Variants in CSRP3 observed in about 807,000 individuals in gnomAD.
The protein encoded by CSRP3 is cysteine and glycine rich protein 3.
A neutral mutation model predicts 24.3 loss-of-function variants in CSRP3; 24 were observed. The observed-to-expected ratio is 0.99, with a 90% confidence interval of 0.71 to 1.39. The LOEUF (loss-of-function observed/expected upper bound fraction) is 1.39. Ranked by LOEUF, CSRP3 falls within the 40% of genes most tolerant of loss-of-function variation. The pLI, the probability that CSRP3 is intolerant of heterozygous loss-of-function variation, is 0.00. For synonymous variants in CSRP3, 105 were observed against 94.0 expected (o/e 1.12, Z -0.68); for missense variants, 240 against 249.0 (o/e 0.96, Z 0.24).
intron 2 of CSRP3, among the ~76,000 whole-genome samples, chr11:19,190,326 C>T (rs545100386): frequency 6.6e-6 from 1 of 152,356 alleles, no homozygotes; most frequent in Non-Finnish European, 1.5e-5. Flanking sequence ...CTGTCCAGTG[C>T]TGTGGCCACA....
intron 2 of CSRP3, among the ~76,000 whole-genome samples, chr11:19,191,417 C>T (rs532934845): frequency 2.6e-5 from 4 of 152,056 alleles, no homozygotes; most frequent in African/African-American, 4.8e-5. Flanking sequence ...GGAGGGGGCT[C>T]GCCAAATATC....
rs755957147 is a variant in CSRP3 at position 19,186,471 on chromosome 11, G to A, written c.282-123C>T. The stretch of plus-strand genomic sequence containing the variant: ...TCAGACTCCTCATCTGGAAAATGGG[G>A]ATAATGATGGTGTCTTTCTCATAGC... On this transcript the variant is annotated intron_variant, in intron 3 of 5. Coordinates refer to ENST00000265968, the MANE Select transcript of CSRP3 (RefSeq NM_003476.5). 32 of 1,218,696 alleles carry A rather than the reference G, an allele frequency of 2.6e-5. No homozygotes were observed. In the Admixed American group the frequency reaches 3.1e-4, roughly 12 times the overall value. 75.5% of individuals were successfully genotyped at this position (1,218,696 alleles called of 1,614,324 possible). A position where few individuals can be genotyped will look rare whatever the true frequency, so the allele number is the denominator to read the frequency against.
intron 4 of CSRP3, 130 bp downstream of exon 4, chr11:19,186,086 T>C (rs1394424066): frequency 8.4e-7 from 1 of 1,194,942 alleles, no homozygotes; most frequent in Non-Finnish European, 1.2e-6. Context: ...TGAGGATGTG[T>C]GGTTTCTAAA....
rs971020459 is a variant in CSRP3, at chr11:19,182,526, C to T, written c.*144G>A. 3.9e-6 allele frequency: 3 copies of T among 766,700 alleles called. No individual in the cohort carries two copies. Among genetic ancestry groups the T allele is most frequent in the Non-Finnish European group, 7.1e-6 (3 of 423,158 alleles). The allele number at this position is 766,700 out of a possible 1,614,324, so 47.5% of individuals were successfully genotyped here. Reference sequence around the variant, plus strand: ...TCTTCCAAAGGCCTCTTCTAACATTCAGTAAAGACCTGATCACTTCTGAGG... The same window carrying T: ...TCTTCCAAAGGCCTCTTCTAACATTTAGTAAAGACCTGATCACTTCTGAGG... On this transcript the variant is annotated 3_prime_UTR_variant, in exon 6 of 6. Coordinates refer to ENST00000265968, the MANE Select transcript of CSRP3 (RefSeq NM_003476.5).
At chr11:19,196,018 C>A (rs1267887460) in intron 1 of CSRP3, among the ~76,000 whole-genome samples, 1 of 152,148 alleles carries the variant, frequency 6.6e-6, no homozygotes. Flanking sequence ...CCTGTAATCC[C>A]AGGACTGAGG....
At chr11:19,195,751 G>A (rs780808587) in intron 1 of CSRP3, among the ~76,000 whole-genome samples, 6 of 152,036 alleles carry the variant, frequency 3.9e-5, no homozygotes, top group Non-Finnish European at 8.8e-5. Context: ...AATGAGAATA[G>A]GATTACAGAT....
At chr11:19,200,499 T>C (rs1850819729) in intron 1 of CSRP3, among the ~76,000 whole-genome samples, 1 of 151,866 alleles carries the variant, frequency 6.6e-6, no homozygotes, top group Non-Finnish European at 1.5e-5. Flanking sequence ...TCTCTTTCCT[T>C]CCCCCCTTCT....
intron 4 of CSRP3, among the ~76,000 whole-genome samples, chr11:19,185,894 G>A (rs1850517022): frequency 1.3e-5 from 2 of 152,184 alleles, no homozygotes; most frequent in Admixed American, 1.3e-4. Flanking sequence ...TTGGTCTGGG[G>A]CTGACATCTT....
intron 2 of CSRP3, among the ~76,000 whole-genome samples, chr11:19,190,982 A>C (rs1421152213): frequency 2.0e-5 from 3 of 152,204 alleles, no homozygotes; most frequent in Non-Finnish European, 4.4e-5. Context: ...TCTACTAAGG[A>C]AAGCTTCCCT....
intron 2 of CSRP3, among the ~76,000 whole-genome samples, 196 bp downstream of exon 2, chr11:19,192,141 G>C (rs1850625761): frequency 6.6e-6 from 1 of 152,148 alleles, no homozygotes; most frequent in Non-Finnish European, 1.5e-5. Flanking sequence ...GTTGAAGCAA[G>C]GGTATTCAGG....
In CSRP3 at chr11:19,197,396, T is replaced by C. The variant is rs199692780; in HGVS notation, c.-29+4558A>G. Among the ~76,000 whole-genome samples the C allele has an allele frequency of 5.2e-4, 4 of 7,724 alleles. 1 individual carries two copies. The highest frequency in any genetic ancestry group is 3.8e-3 in the Admixed American group (2 of 520). The allele number at this position is 7,724 out of a possible 152,430, so 5.1% of individuals were successfully genotyped here. On this transcript the variant is annotated intron_variant, in intron 1 of 5. Coordinates refer to ENST00000265968, the MANE Select transcript of CSRP3 (RefSeq NM_003476.5). ...TCCCTCCCTCCCTCCCTCCCTTCCTTCCTTCCTTCCTTCCTTCCTTCCTTC... is the reference window on the plus strand; with the variant it reads ...TCCCTCCCTCCCTCCCTCCCTTCCTCCCTTCCTTCCTTCCTTCCTTCCTTC...
At position 19,199,842 on chromosome 11, in the gene CSRP3, A is replaced by G. The variant is rs187710988; in HGVS notation, c.-29+2112T>C. 1.5e-3 allele frequency among the ~76,000 whole-genome samples: 230 copies of G among 152,312 alleles called. 1 individual carries two copies. Among genetic ancestry groups the G allele is most frequent in the Non-Finnish European group, 2.0e-3 (139 of 68,030 alleles). ...CTGGGATGAATAACTGCAGTTTTTC[A>G]CATTTGCAGGCATCACATTTCTCTT... On this transcript the variant is annotated intron_variant, in intron 1 of 5. Transcript: ENST00000265968.
intron 2 of CSRP3, among the ~76,000 whole-genome samples, chr11:19,190,947 C>G (rs1365108): frequency 0.99 from 151,257 of 152,306 alleles, 75,112 homozygotes; most frequent in Non-Finnish European, 1. Context: ...GCATCTTCCT[C>G]CTACCTGGGA....
chr11:19,192,235 C>G (rs933745600), intron 2 of CSRP3, 102 bp downstream of exon 2: 20 of 821,652 alleles, frequency 2.4e-5, no homozygotes, highest in Non-Finnish European at 3.8e-5. Flanking sequence ...TGTCCCAGGA[C>G]CACACTATGA....
chr11:19,192,356 G>C lies in CSRP3; in HGVS notation c.93C>G (p.His31Gln), dbSNP rs863225265. Residue 31 changes from histidine (H) to glutamine (Q), a missense_variant, in exon 2 of 6, where the codon CAC becomes CAG. Coordinates refer to ENST00000265968, the MANE Select transcript of CSRP3 (RefSeq NM_003476.5). ...EEIQCNGRSF[H>Q]KTCFHCMACR... ...ACTCACTGCAGTGGAAACACGTCTT[G>C]TGGAAACTCCTTCCATTGCACTGGA... 4 of 1,614,078 alleles carry C rather than the reference G, an allele frequency of 2.5e-6. No homozygotes were observed. Among genetic ancestry groups the C allele is most frequent in the Non-Finnish European group, 3.4e-6 (4 of 1,179,920 alleles).
chr11:19,182,597 A>G lies in CSRP3; in HGVS notation c.*73T>C. On this transcript the variant is annotated 3_prime_UTR_variant, in exon 6 of 6. Coordinates refer to ENST00000265968, the MANE Select transcript of CSRP3 (RefSeq NM_003476.5). ...TACAAAGGAGAGGCTATTTGGGGAA[A>G]GGTATCGATCTGTGCAGGATTACTT... The G allele has an allele frequency of 8.4e-7, 1 of 1,190,918 alleles. No individual in the cohort carries two copies. The highest frequency in any genetic ancestry group is 1.3e-6 in the Non-Finnish European group (1 of 793,456). The allele number at this position is 1,190,918 out of a possible 1,614,324, so 73.8% of individuals were successfully genotyped here. A position where few individuals can be genotyped will look rare whatever the true frequency, so the allele number is the denominator to read the frequency against.
At chr11:19,189,273 A>G (rs571110639) in intron 2 of CSRP3, among the ~76,000 whole-genome samples, 1 of 152,310 alleles carries the variant, frequency 6.6e-6, no homozygotes, top group East Asian at 1.9e-4. Context: ...GCCCTGTTTT[A>G]TACCTGAGTA....
At chr11:19,189,243 T>A (rs10766532) in intron 2 of CSRP3, among the ~76,000 whole-genome samples, 105,183 of 152,090 alleles carry the variant, frequency 0.69, 37,756 homozygotes, top group East Asian at 0.86. Flanking sequence ...TTCACTTCTA[T>A]CTGTACGTTT....
chr11:19,191,735 T>C (rs566814433), intron 2 of CSRP3, among the ~76,000 whole-genome samples: 1 of 152,218 alleles, frequency 6.6e-6, no homozygotes, highest in Non-Finnish European at 1.5e-5. Flanking sequence ...AGCCACAAGG[T>C]CTCAAGGTTC....
Sources: gnomAD v4.1 joint callset for allele counts (sites outside exome capture counted in the v4.1 genomes callset) on GRCh38, gnomAD v4.1.1 for gene constraint, MANE v1.5 for transcripts, NCBI Gene and HGNC (gene_info 2026-07-23, HGNC 2026-07-21) for gene names.